Variants in ZHX2 observed in about 807,000 individuals in gnomAD.
The protein encoded by ZHX2 is zinc fingers and homeoboxes protein 2.
Under a neutral mutation model 21.9 loss-of-function variants are expected in ZHX2, and 6 were observed. The observed-to-expected ratio is 0.27, with a 90% CI of 0.15 to 0.54. The LOEUF is 0.54. Among genes scored for constraint, ZHX2 ranks in the 20% least tolerant of loss-of-function variants. ZHX2 has a pLI of 0.95. For synonymous variants in ZHX2, 434 were observed against 437.1 expected, an observed-to-expected ratio of 0.99 and a Z score of 0.09; for missense variants, 908 against 1,090.7, an observed-to-expected ratio of 0.83 and a Z score of 2.36.
chr8:122,968,457 T>G (rs7844465), intron 3 of ZHX2, among the ~76,000 whole-genome samples: 105,607 of 152,016 alleles, frequency 0.69, 37,086 homozygotes, highest in African/African-American at 0.8. Context: ...CTTCCTCCAG[T>G]CCAACACATT....
At chr8:122,933,973 C>T (rs966945684) in intron 2 of ZHX2, among the ~76,000 whole-genome samples, 11 of 152,142 alleles carry the variant, frequency 7.2e-5, no homozygotes, top group South Asian at 2.1e-4. Context: ...GAGTTCAAGA[C>T]GAGCCTGAGC....
intron 2 of ZHX2, among the ~76,000 whole-genome samples, chr8:122,867,304 A>G (rs1430567755): frequency 6.6e-6 from 1 of 152,210 alleles, no homozygotes; most frequent in Non-Finnish European, 1.5e-5. Context: ...TGTTTCCTGC[A>G]GGCAGTTGAG....
intron 2 of ZHX2, among the ~76,000 whole-genome samples, chr8:122,866,675 G>A (rs537507930): frequency 6.6e-6 from 1 of 152,320 alleles, no homozygotes; most frequent in African/African-American, 2.4e-5. Context: ...AATTGGTCAT[G>A]GCTGCCAGGG....
At chr8:122,903,433 AG>A (rs982054725) in intron 2 of ZHX2, among the ~76,000 whole-genome samples, 11 of 152,250 alleles carry the variant, frequency 7.2e-5, no homozygotes, top group Non-Finnish European at 1.5e-4. Flanking sequence ...TACCAGTAAA[AG>A]GACCAAATCC....
chr8:122,951,003 A>G (rs1813095940), intron 2 of ZHX2, among the ~76,000 whole-genome samples: 1 of 152,118 alleles, frequency 6.6e-6, no homozygotes, highest in African/African-American at 2.4e-5. Flanking sequence ...ACCGCTTCAG[A>G]GGATTTTAGG....
intron 2 of ZHX2, among the ~76,000 whole-genome samples, chr8:122,910,740 G>C (rs529760335): frequency 2.9e-4 from 44 of 151,864 alleles, no homozygotes; most frequent in Non-Finnish European, 3.8e-4. Flanking sequence ...CCTGCTGGGG[G>C]GTGGGGGGTG....
At chr8:122,902,610 C>T (rs1586374235) in intron 2 of ZHX2, among the ~76,000 whole-genome samples, 1 of 152,210 alleles carries the variant, frequency 6.6e-6, no homozygotes, top group Admixed American at 6.5e-5. Context: ...CAAATCCCAG[C>T]TCTGCCTCTT....
At chr8:122,954,266 T>G (rs1813235644) in intron 3 of ZHX2, among the ~76,000 whole-genome samples, 1 of 152,200 alleles carries the variant, frequency 6.6e-6, no homozygotes, top group African/African-American at 2.4e-5. Context: ...CCTCACATAC[T>G]TATTCTTGTA....
chr8:122,939,059 A>C (rs1254531537), intron 2 of ZHX2, among the ~76,000 whole-genome samples: 1 of 152,196 alleles, frequency 6.6e-6, no homozygotes, highest in Non-Finnish European at 1.5e-5. Context: ...TTCCTTTGAG[A>C]ATTTTGATGG....
At chr8:122,922,275 GAAA>G (rs34211897) in intron 2 of ZHX2, among the ~76,000 whole-genome samples, 2 of 127,836 alleles carry the variant, frequency 1.6e-5, no homozygotes, top group Non-Finnish European at 1.7e-5. Context: ...GTGAGTTCAT[GAAA>G]AAAAAAAAAA....
At chr8:122,888,759 A>G (rs1819906845) in intron 2 of ZHX2, among the ~76,000 whole-genome samples, 1 of 152,252 alleles carries the variant, frequency 6.6e-6, no homozygotes, top group Admixed American at 6.5e-5. Flanking sequence ...CTGGGATTAT[A>G]GGCGTGAGCC....
intron 1 of ZHX2, among the ~76,000 whole-genome samples, chr8:122,852,528 G>A (rs984344876): frequency 2.6e-5 from 4 of 151,758 alleles, no homozygotes; most frequent in African/African-American, 7.3e-5. Context: ...CCCAGGATGT[G>A]AACTCAGGCA....
chr8:122,846,548 T>TAACA (rs1818754899), intron 1 of ZHX2, among the ~76,000 whole-genome samples: 2 of 139,648 alleles, frequency 1.4e-5, no homozygotes, highest in Non-Finnish European at 3.0e-5. Flanking sequence ...AGACTTTGTG[T>TAACA]ATTTTTTTTT....
intron 2 of ZHX2, among the ~76,000 whole-genome samples, chr8:122,864,660 G>A (rs1472778006): frequency 1.3e-5 from 2 of 152,034 alleles, no homozygotes; most frequent in African/African-American, 4.8e-5. Flanking sequence ...CAGGGCCCCA[G>A]AGAAGGCAAA....
At chr8:122,791,399 G>A (rs1404016299) in intron 1 of ZHX2, among the ~76,000 whole-genome samples, 1 of 152,198 alleles carries the variant, frequency 6.6e-6, no homozygotes, top group Non-Finnish European at 1.5e-5. Flanking sequence ...CTGATTGGGA[G>A]CCCTGCCTGG....
At chr8:122,893,364 C>T (rs1040446182) in intron 2 of ZHX2, among the ~76,000 whole-genome samples, 6 of 152,124 alleles carry the variant, frequency 3.9e-5, no homozygotes, top group African/African-American at 1.4e-4. Context: ...AAATCTCTCC[C>T]AAGACTTGGG....
chr8:122,869,268 C>G (rs1345409249), intron 2 of ZHX2, among the ~76,000 whole-genome samples: 1 of 152,088 alleles, frequency 6.6e-6, no homozygotes, highest in Admixed American at 6.5e-5. Flanking sequence ...CTATCCCACC[C>G]TCCCATTCTC....
At chr8:122,818,826 C>G (rs899164906) in intron 1 of ZHX2, among the ~76,000 whole-genome samples, 1 of 152,210 alleles carries the variant, frequency 6.6e-6, no homozygotes, top group East Asian at 1.9e-4. Context: ...ATATTTGTCA[C>G]AGGCAAACCA....
intron 2 of ZHX2, among the ~76,000 whole-genome samples, chr8:122,879,105 G>T (rs929310785): frequency 1.3e-5 from 2 of 152,312 alleles, no homozygotes; most frequent in East Asian, 1.9e-4. Flanking sequence ...GGTTAGCCTC[G>T]TGCCTCTCGG....
Sources: gnomAD v4.1 joint callset for allele counts (sites outside exome capture counted in the v4.1 genomes callset) on GRCh38, gnomAD v4.1.1 for gene constraint, MANE v1.5 for transcripts, NCBI Gene and HGNC (gene_info 2026-07-23, HGNC 2026-07-21) for gene names.